Variants in KAT2B observed in about 807,000 individuals in gnomAD.
The protein encoded by KAT2B is lysine acetyltransferase 2B, also known as histone acetyltransferase KAT2B.
Under a neutral mutation model 105.9 loss-of-function variants are expected in KAT2B, and 36 were observed. That is an observed-to-expected ratio of 0.34 (90% CI 0.26 to 0.45). The LOEUF (loss-of-function observed/expected upper bound fraction) is 0.45, where lower values mean the gene tolerates loss of function less well. KAT2B is among the 20% of genes least tolerant of loss of function. The pLI is 1.00. For missense variants in KAT2B, 820 were observed against 1,021.6 expected, an observed-to-expected ratio of 0.80 and a Z score of 2.69; for synonymous variants, 397 against 377.9, an observed-to-expected ratio of 1.05 and a Z score of -0.59.
At chr3:20,090,809 A>G (rs1051573819) in intron 2 of KAT2B, among the ~76,000 whole-genome samples, 6 of 152,168 alleles carry the variant, frequency 3.9e-5, no homozygotes, top group African/African-American at 1.4e-4. Flanking sequence ...AGCATGGGTC[A>G]CTGCAACCTC....
rs777011461 is a variant in KAT2B, at chr3:20,122,728, T to C, written c.1337T>C (p.Met446Thr). The change falls in exon 9 of 18, where the codon ATG (methionine) becomes ACG (threonine). Residue 446 changes from methionine to threonine, a missense_variant. Met to Thr is a moderately conservative substitution (Grantham distance 81). Around this residue, in one of 6 missense-constraint regions of KAT2B, gnomAD observed 225 missense variants for 268.1 expected, o/e 0.84. Coordinates refer to ENST00000263754, the MANE Select transcript of KAT2B (RefSeq NM_003884.5). Reference protein sequence around the residue: ...VLEEAKKPRVMGDIPMELINE... With the variant: ...VLEEAKKPRVTGDIPMELINE... ...GAGGAGGCCAAGAAACCCCGAGTTATGGGGGATATTCCGATGGAATTAATC... is the reference window on the plus strand; with the variant it reads ...GAGGAGGCCAAGAAACCCCGAGTTACGGGGGATATTCCGATGGAATTAATC... The C allele has an allele frequency of 6.2e-6, 10 of 1,614,044 alleles. No homozygotes were observed. The East Asian group carries it at 1.1e-4, about 18-fold the overall frequency.
At chr3:20,106,149 T>A (rs777188425) in intron 5 of KAT2B, among the ~76,000 whole-genome samples, 16 of 152,244 alleles carry the variant, frequency 1.1e-4, no homozygotes, top group Non-Finnish European at 2.1e-4. Flanking sequence ...TTCACATTTT[T>A]AATTTCTGTT....
At chr3:20,105,800 GA>G (rs35102951) in intron 5 of KAT2B, among the ~76,000 whole-genome samples, 282 of 94,410 alleles carry the variant, frequency 3.0e-3, no homozygotes, top group African/African-American at 7.1e-3. Flanking sequence ...GACCCTGTCT[GA>G]AAAAAAAAAA....
intron 12 of KAT2B, among the ~76,000 whole-genome samples, chr3:20,139,901 C>T (rs11917197): frequency 0.084 from 12,735 of 152,174 alleles, 596 homozygotes; most frequent in East Asian, 0.21. Context: ...AAATTTGCAA[C>T]GGTCATATTT....
chr3:20,042,544 G>GA (rs929275979), intron 1 of KAT2B, among the ~76,000 whole-genome samples: 8 of 151,918 alleles, frequency 5.3e-5, no homozygotes, highest in South Asian at 2.1e-4. Context: ...AAAAACCTAT[G>GA]AAAAAAAAGA....
intron 13 of KAT2B, among the ~76,000 whole-genome samples, chr3:20,141,843 C>T (rs1699699838): frequency 7.0e-6 from 1 of 143,080 alleles, no homozygotes; most frequent in East Asian, 2.1e-4. Flanking sequence ...TCAAAGATGT[C>T]AGCCTAAGAG....
intron 17 of KAT2B, among the ~76,000 whole-genome samples, chr3:20,150,411 A>G (rs1346940561): frequency 6.6e-6 from 1 of 152,206 alleles, no homozygotes; most frequent in East Asian, 1.9e-4. Flanking sequence ...TCTCATATGG[A>G]TGGGATCTAA....
intron 2 of KAT2B, among the ~76,000 whole-genome samples, chr3:20,086,490 A>G (rs1019916742): frequency 1.3e-5 from 2 of 152,126 alleles, no homozygotes; most frequent in Non-Finnish European, 2.9e-5. Flanking sequence ...AGTCCCAGCC[A>G]CTTGGAAGGC....
intron 2 of KAT2B, among the ~76,000 whole-genome samples, chr3:20,080,700 C>T (rs1698503067): frequency 6.6e-6 from 1 of 152,152 alleles, no homozygotes; most frequent in African/African-American, 2.4e-5. Context: ...AGCCACTAGC[C>T]ATGTGTGGCT....
At chr3:20,127,140 G>A (rs1559325637) in intron 10 of KAT2B, among the ~76,000 whole-genome samples, 3 of 152,104 alleles carry the variant, frequency 2.0e-5, no homozygotes, top group Non-Finnish European at 4.4e-5. Context: ...CAGTTCCAGA[G>A]CACCTCTGCA....
intron 17 of KAT2B, chr3:20,148,808 G>T: frequency 4.3e-6 from 1 of 231,366 alleles, no homozygotes; most frequent in South Asian, 1.3e-4. Flanking sequence ...TAACTCTTTG[G>T]TGCAAATAGA....
chr3:20,111,516 A>G, intron 5 of KAT2B, 80 bp from the exon 6 acceptor site: 1 of 1,161,758 alleles, frequency 8.6e-7, no homozygotes, highest in South Asian at 1.5e-5. Flanking sequence ...AGTTAATAGT[A>G]CGAGATAAAC....
intron 1 of KAT2B, among the ~76,000 whole-genome samples, chr3:20,062,287 AAT>A (rs1234092405): frequency 2.1e-5 from 1 of 47,040 alleles, no homozygotes; most frequent in African/African-American, 5.7e-5. Context: ...TATAAAATAT[AAT>A]ATATAATATA....
At chr3:20,104,725 T>C (rs1318435089) in intron 5 of KAT2B, among the ~76,000 whole-genome samples, 2 of 152,204 alleles carry the variant, frequency 1.3e-5, no homozygotes, top group African/African-American at 2.4e-5. Flanking sequence ...CAGGATTCTT[T>C]GTGGAAAAGA....
intron 1 of KAT2B, among the ~76,000 whole-genome samples, chr3:20,045,875 C>T (rs1032358550): frequency 1.3e-5 from 2 of 152,190 alleles, no homozygotes; most frequent in Non-Finnish European, 1.5e-5. Context: ...CTGTATTAGA[C>T]ATCCAGCATG....
At position 20,072,399 on chromosome 3, in the gene KAT2B, G is replaced by C. The variant is rs749538432; in HGVS notation, c.370G>C (p.Asp124His). The change falls in exon 2 of 18, where the codon GAC becomes CAC. Residue 124 changes from aspartate (D) to histidine (H), a missense_variant. Transcript: ENST00000263754. ...CCCCTCACCCACTCCCCCCAGAGCC[G>C]ACCTGCAGCAAATAATTGTCAGTCT... is the stretch of plus-strand genomic sequence containing the variant. ...PNPSPTPPRADLQQIIVSLTE... is the reference protein window; with the variant it reads ...PNPSPTPPRAHLQQIIVSLTE... 6.2e-7 allele frequency: 1 copy of C among 1,613,412 alleles called. No homozygotes were observed. The highest frequency in any genetic ancestry group is 8.5e-7 in the Non-Finnish European group (1 of 1,179,448).
chr3:20,072,577 A>G, intron 2 of KAT2B, 118 bp downstream of exon 2: 1 of 915,926 alleles, frequency 1.1e-6, no homozygotes. Context: ...TATGAGAGCA[A>G]CAACAAGAGC....
chr3:20,119,450 C>T, intron 7 of KAT2B, 148 bp from the exon 8 acceptor site: 1 of 686,322 alleles, frequency 1.5e-6, no homozygotes, highest in Non-Finnish European at 2.5e-6. Flanking sequence ...GCTGTCTTTA[C>T]TATTTTGATG....
chr3:20,129,690 T>G (rs1331176724), intron 11 of KAT2B, among the ~76,000 whole-genome samples: 1 of 152,200 alleles, frequency 6.6e-6, no homozygotes, highest in African/African-American at 2.4e-5. Flanking sequence ...ACTAACTCTT[T>G]GAAACCAAGC....
Sources: allele counts gnomAD v4.1 joint callset (sites outside exome capture counted in the v4.1 genomes callset), GRCh38; gene constraint gnomAD v4.1.1; regional missense constraint gnomAD v4.1.1; transcripts MANE v1.5; gene names NCBI Gene and HGNC (gene_info 2026-07-23, HGNC 2026-07-21).